RAB18: variants seen among roughly 807,000 people sequenced by gnomAD.
RAB18 encodes RAB18, member RAS oncogene family, also known as ras-related protein Rab-18.
Under a neutral mutation model 28.5 loss-of-function variants are expected in RAB18, and 10 were observed. That is an observed-to-expected ratio of 0.35 (90% CI 0.22 to 0.60). The LOEUF (loss-of-function observed/expected upper bound fraction) is 0.60, where lower values mean the gene tolerates loss of function less well. Among genes scored for constraint, RAB18 ranks in the 20% least tolerant of loss-of-function variants. The pLI, the probability that RAB18 is intolerant of heterozygous loss-of-function variation, is 0.78. For synonymous variants in RAB18, 93 were observed against 86.9 expected, an observed-to-expected ratio of 1.07 and a Z score of -0.39; for missense variants, 188 against 244.2, an observed-to-expected ratio of 0.77 and a Z score of 1.53.
intron 1 of RAB18, among the ~76,000 whole-genome samples, chr10:27,506,029 C>T (rs1483779539): frequency 6.6e-6 from 1 of 152,150 alleles, no homozygotes; most frequent in Non-Finnish European, 1.5e-5. Flanking sequence ...TCTATTATTG[C>T]ACATACATAT....
intron 3 of RAB18, among the ~76,000 whole-genome samples, chr10:27,530,937 T>C (rs569010893): frequency 2.6e-5 from 4 of 152,190 alleles, no homozygotes; most frequent in African/African-American, 7.2e-5. Flanking sequence ...ATCAAAGTTA[T>C]AATCTGCTTT....
intron 1 of RAB18, among the ~76,000 whole-genome samples, chr10:27,508,012 C>G (rs1000933439): frequency 2.0e-4 from 30 of 147,106 alleles, no homozygotes; most frequent in South Asian, 1.5e-3. Flanking sequence ...GTGAGACCCT[C>G]TCTCTTAAAA....
Position 27,538,511 on chromosome 10 carries a change from A to G in RAB18, c.*460A>G. On this transcript the variant is annotated 3_prime_UTR_variant, in exon 7 of 7. Coordinates refer to ENST00000356940, the MANE Select transcript of RAB18 (RefSeq NM_021252.5). ...CAGGAATAATAAAGAGCATGATTCC[A>G]CAGCTTTTCTGGGATGTTTGAGATT... 2.2e-6 allele frequency: 1 copy of G among 454,676 alleles called. No individual in the cohort carries two copies. The highest frequency in any genetic ancestry group is 1.6e-5 in the South Asian group (1 of 64,480). The allele number at this position is 454,676 out of a possible 1,614,324, so 28.2% of individuals were successfully genotyped here.
chr10:27,517,726 A>G (rs2132382336), intron 2 of RAB18, among the ~76,000 whole-genome samples: 1 of 152,290 alleles, frequency 6.6e-6, no homozygotes, highest in African/African-American at 2.4e-5. Context: ...TTTGGTATAC[A>G]GTTTGATTTT....
intron 3 of RAB18, among the ~76,000 whole-genome samples, chr10:27,529,899 C>T (rs962256574): frequency 2.0e-5 from 3 of 151,978 alleles, no homozygotes; most frequent in African/African-American, 4.8e-5. Context: ...AATGGCAAGC[C>T]TCTAAACATC....
rs1564842368 is a variant in RAB18 at position 27,541,781 on chromosome 10, C to CT, written c.*3731dup. 1 of 453,722 alleles carries CT rather than the reference C, an allele frequency of 2.2e-6. No individual in the cohort carries two copies. Among genetic ancestry groups the CT allele is most frequent in the Admixed American group, 2.4e-5 (1 of 42,542 alleles). 28.1% of individuals were successfully genotyped at this position (453,722 alleles called of 1,614,324 possible). A position where few individuals can be genotyped will look rare whatever the true frequency, so the allele number is the denominator to read the frequency against. ...GACTTTAATTTCTTGTTTGTGTGTG[C>CT]TGTGGCTGCCCGATCCAGCACCTAC... is the stretch of plus-strand genomic sequence containing the variant. On this transcript the variant is annotated 3_prime_UTR_variant, in exon 7 of 7. Transcript: ENST00000356940.
In RAB18 at chr10:27,541,484, G is replaced by A. The variant is rs995013955; in HGVS notation, c.*3433G>A. On this transcript the variant is annotated 3_prime_UTR_variant, in exon 7 of 7. Transcript: ENST00000356940. ...TTGGGAATCAGTCATGTTTCTGATT[G>A]TGGTATAAAGTTTGCTTAAGTGCCC... The A allele has an allele frequency of 1.5e-5, 7 of 453,660 alleles. No homozygotes were observed. Among genetic ancestry groups the A allele is most frequent in the African/African-American group, 1.4e-4 (7 of 49,886 alleles). The allele number at this position is 453,660 out of a possible 1,614,324, so 28.1% of individuals were successfully genotyped here.
chr10:27,529,731 T>C (rs1834750566), intron 3 of RAB18, among the ~76,000 whole-genome samples: 1 of 152,018 alleles, frequency 6.6e-6, no homozygotes, highest in Non-Finnish European at 1.5e-5. Flanking sequence ...CTACCACATA[T>C]TCCTGTTTTG....
intron 2 of RAB18, among the ~76,000 whole-genome samples, chr10:27,524,564 A>C (rs1834635075): frequency 6.6e-6 from 1 of 152,250 alleles, no homozygotes; most frequent in African/African-American, 2.4e-5. Context: ...AGATTCTTGC[A>C]AAGAAACTGA....
At chr10:27,527,155 A>C in intron 3 of RAB18, 1 of 531,432 alleles carries the variant, frequency 1.9e-6, no homozygotes, top group South Asian at 1.5e-5. Context: ...CTCATCTGCC[A>C]AAGAGAATCA....
intron 2 of RAB18, chr10:27,513,849 G>A (rs1834377678): frequency 6.6e-6 from 1 of 152,232 alleles, no homozygotes; most frequent in Non-Finnish European, 1.5e-5. Flanking sequence ...TCAGCTCAAG[G>A]CAGGAGCTTT....
chr10:27,505,667 C>T (rs1230877145), intron 1 of RAB18, among the ~76,000 whole-genome samples: 1 of 152,192 alleles, frequency 6.6e-6, no homozygotes, highest in Non-Finnish European at 1.5e-5. Flanking sequence ...TCAAGCGATT[C>T]TCCTGCTTCA....
At chr10:27,533,290 T>C (rs1834823907) in intron 4 of RAB18, among the ~76,000 whole-genome samples, 1 of 151,984 alleles carries the variant, frequency 6.6e-6, no homozygotes, top group Non-Finnish European at 1.5e-5. Context: ...GTACTACAAT[T>C]TTTTCAAAGC....
At chr10:27,518,085 A>G (rs1272214468) in intron 2 of RAB18, among the ~76,000 whole-genome samples, 5 of 151,990 alleles carry the variant, frequency 3.3e-5, no homozygotes, top group Admixed American at 6.6e-5. Context: ...TTGCTGAGCT[A>G]TATTCCATTG....
intron 3 of RAB18, among the ~76,000 whole-genome samples, chr10:27,531,861 C>T (rs1834795525): frequency 6.6e-6 from 1 of 151,498 alleles, no homozygotes; most frequent in African/African-American, 2.4e-5. Context: ...AATGGTTAAA[C>T]TGGTGATTAA....
At chr10:27,521,215 C>T (rs1450890523) in intron 2 of RAB18, among the ~76,000 whole-genome samples, 3 of 151,884 alleles carry the variant, frequency 2.0e-5, no homozygotes, top group African/African-American at 4.8e-5. Flanking sequence ...AACATATGGC[C>T]TATCCTGGAG....
At chr10:27,507,514 A>C (rs1837870685) in intron 1 of RAB18, among the ~76,000 whole-genome samples, 1 of 151,728 alleles carries the variant, frequency 6.6e-6, no homozygotes, top group Non-Finnish European at 1.5e-5. Flanking sequence ...CTATTATCTA[A>C]ATTGCTGTCC....
At chr10:27,527,064 G>A in intron 3 of RAB18, 175 bp downstream of exon 3, 1 of 763,826 alleles carries the variant, frequency 1.3e-6, no homozygotes, top group Non-Finnish European at 2.4e-6. Context: ...GGGTAATTAG[G>A]CAGCTATGTT....
rs1258941775 is a variant in RAB18, at chr10:27,539,033, A to G, written c.*982A>G. On this transcript the variant is annotated 3_prime_UTR_variant, in exon 7 of 7. Transcript: ENST00000356940. ...CACTAAGTGATAATTTGAAAAAGGC[A>G]TATTGCTTCCAGATTCTGATGTGTG... 3 of 427,938 alleles carry G rather than the reference A, an allele frequency of 7.0e-6. No homozygotes were observed. The Admixed American group carries it at 7.7e-5, about 11-fold the overall frequency. 26.5% of individuals were successfully genotyped at this position (427,938 alleles called of 1,614,324 possible).
Sources: allele counts gnomAD v4.1 joint callset (sites outside exome capture counted in the v4.1 genomes callset), GRCh38; gene constraint gnomAD v4.1.1; transcripts MANE v1.5; gene names NCBI Gene and HGNC (gene_info 2026-07-23, HGNC 2026-07-21).